Variants in INTS12 observed in about 807,000 individuals in gnomAD.
INTS12 encodes integrator complex subunit 12, also known as PHD finger protein 22.
A neutral mutation model predicts 41.6 loss-of-function variants in INTS12; 13 were observed. That is an observed-to-expected ratio of 0.31 (90% CI 0.20 to 0.50). The LOEUF is 0.50. INTS12 is among the 20% of genes least tolerant of loss of function. The probability of loss-of-function intolerance (pLI) is 0.98; values close to 1 mark genes in which losing one functional copy is unlikely to be tolerated. For missense variants in INTS12, 432 were observed against 541.6 expected (o/e 0.80, Z 2.01); for synonymous variants, 199 against 191.4 (o/e 1.04, Z -0.33).
At position 105,693,354 on chromosome 4, in the gene INTS12, C is replaced by T. The variant is rs1479500763; in HGVS notation, c.442G>A (p.Glu148Lys). The T allele has an allele frequency of 1.2e-6, 2 of 1,613,788 alleles. No homozygotes were observed. Among genetic ancestry groups the T allele is most frequent in the Non-Finnish European group, 1.7e-6 (2 of 1,179,872 alleles). Residue 148 changes from glutamate (E) to lysine (K), a missense_variant, in exon 5 of 8, where the codon GAG becomes AAG. Physicochemically the swap from Glu to Lys is moderately conservative, Grantham distance 56 (BLOSUM62 1). Transcript: ENST00000340139. ...LPMADLSSFE[E>K]TSADDFAMEM... ...ATGGCAAAATCATCAGCACTGGTCT[C>T]CTCAAAACTGGAAAGGTCAGCCATA...
chr4:105,703,065 T>C, intron 2 of INTS12: 1 of 968,338 alleles, frequency 1.0e-6, no homozygotes, highest in Non-Finnish European at 1.2e-6. Flanking sequence ...CACCAAATCA[T>C]GTTACTTCTA....
Position 105,708,601 on chromosome 4 carries a change from C to T in INTS12, c.-172+37G>A, listed in dbSNP as rs556965303. On this transcript the variant is annotated intron_variant, in intron 1 of 7. Transcript: ENST00000340139. ...TCCTGGCGCGGGGGTCTCGAGCCTC[C>T]AGGAGGCCAGGAGCAGAGTCGCTCA... 1.9e-5 allele frequency: 19 copies of T among 985,198 alleles called. No homozygotes were observed. The East Asian group carries it at 8.0e-4, about 41-fold the overall frequency. 61.0% of individuals were successfully genotyped at this position (985,198 alleles called of 1,614,324 possible). A position where few individuals can be genotyped will look rare whatever the true frequency, so the allele number is the denominator to read the frequency against.
At chr4:105,699,027 A>T (rs978193381) in intron 3 of INTS12, among the ~76,000 whole-genome samples, 2 of 152,224 alleles carry the variant, frequency 1.3e-5, no homozygotes, top group African/African-American at 4.8e-5. Context: ...ATTATGTACC[A>T]GGCAGGTACT....
At chr4:105,693,983 T>G (rs1731775383) in intron 4 of INTS12, among the ~76,000 whole-genome samples, 1 of 152,214 alleles carries the variant, frequency 6.6e-6, no homozygotes, top group South Asian at 2.1e-4. Context: ...TTGATAGAAA[T>G]TTGGCAATGC....
At chr4:105,692,901 C>T (rs1021329541) in intron 5 of INTS12, among the ~76,000 whole-genome samples, 2 of 152,134 alleles carry the variant, frequency 1.3e-5, no homozygotes, top group Admixed American at 1.3e-4. Flanking sequence ...ACATAGGGTG[C>T]TCAATAAATG....
At chr4:105,687,978 A>C (rs768691106) in intron 6 of INTS12, among the ~76,000 whole-genome samples, 21 of 152,094 alleles carry the variant, frequency 1.4e-4, no homozygotes, top group Non-Finnish European at 2.4e-4. Flanking sequence ...AGAAAAAAAA[A>C]CAGCAACTAT....
intron 2 of INTS12, among the ~76,000 whole-genome samples, chr4:105,703,195 A>C (rs1732144723): frequency 6.6e-6 from 1 of 152,220 alleles, no homozygotes; most frequent in Admixed American, 6.5e-5. Context: ...TGTGTGTATG[A>C]AAGAAAAATG....
intron 7 of INTS12, among the ~76,000 whole-genome samples, chr4:105,683,869 G>A (rs181909258): frequency 2.0e-4 from 31 of 152,056 alleles, no homozygotes; most frequent in Admixed American, 3.9e-4. Flanking sequence ...AAAAAAAAAT[G>A]TCCTCCTAAA....
intron 1 of INTS12, among the ~76,000 whole-genome samples, chr4:105,704,895 G>A (rs1732210962): frequency 6.6e-6 from 1 of 151,864 alleles, no homozygotes; most frequent in Admixed American, 6.6e-5. Flanking sequence ...TACCACCCTA[G>A]ACCAACCTAG....
chr4:105,686,155 G>A (rs183842325), intron 7 of INTS12, among the ~76,000 whole-genome samples: 4 of 152,188 alleles, frequency 2.6e-5, no homozygotes, highest in Admixed American at 2.0e-4. Flanking sequence ...CTTCGCCTCT[G>A]GGGTTCAAGC....
In INTS12 at chr4:105,699,932, T is replaced by C; in HGVS notation, c.74A>G (p.Lys25Arg). The change falls in exon 3 of 8, where the codon AAA becomes AGA. Residue 25 changes from lysine (K) to arginine (R), a missense_variant. Physicochemically the swap from Lys to Arg is conservative, Grantham distance 26. Coordinates refer to ENST00000340139, the MANE Select transcript of INTS12 (RefSeq NM_020395.4). ...KALGFLHSKSKDSAEKLKALL... is the reference protein window; with the variant it reads ...KALGFLHSKSRDSAEKLKALL... ...TGCTTTTAGCTTTTCAGCAGAATCT[T>C]TACTCTTTGAATGCAAGAAACCTAG... 3 of 1,555,962 alleles carry C rather than the reference T, an allele frequency of 1.9e-6. No individual in the cohort carries two copies. The highest frequency in any genetic ancestry group is 2.6e-6 in the Non-Finnish European group (3 of 1,138,576).
intron 2 of INTS12, 198 bp from the exon 3 acceptor site, chr4:105,700,212 AAAC>A: frequency 3.0e-6 from 1 of 328,834 alleles, no homozygotes; most frequent in Non-Finnish European, 5.5e-6. Context: ...CTTCCCCCTG[AAAC>A]AACTAGCAGT....
At chr4:105,693,608 T>C (rs1731763208) in intron 4 of INTS12, 122 bp from the exon 5 acceptor site, 2 of 715,318 alleles carry the variant, frequency 2.8e-6, no homozygotes, top group Non-Finnish European at 4.7e-6. Flanking sequence ...TATATTCACA[T>C]AGTTAGGGAC....
chr4:105,703,083 C>T (rs1311855001), intron 2 of INTS12: 1 of 909,736 alleles, frequency 1.1e-6, no homozygotes, highest in Non-Finnish European at 1.3e-6. Context: ...CTATACAATT[C>T]CTTTCCTGTA....
Position 105,692,184 on chromosome 4 carries a change from A to T in INTS12, c.498-49T>A, listed in dbSNP as rs780076546. On this transcript the variant is annotated intron_variant, in intron 5 of 7. Coordinates refer to ENST00000340139, the MANE Select transcript of INTS12 (RefSeq NM_020395.4). Reference sequence around the variant, plus strand: ...TTACACTACTTTTTTAAATGCCATAATTTAAAGTTATTTCAGGGGCCAGGT... The same window carrying T: ...TTACACTACTTTTTTAAATGCCATATTTTAAAGTTATTTCAGGGGCCAGGT... 1.9e-6 allele frequency: 3 copies of T among 1,544,628 alleles called. No individual in the cohort carries two copies. In the South Asian group the frequency reaches 3.5e-5, roughly 18 times the overall value.
intron 3 of INTS12, among the ~76,000 whole-genome samples, chr4:105,697,450 T>C (rs1445507135): frequency 6.6e-6 from 1 of 152,166 alleles, no homozygotes; most frequent in Non-Finnish European, 1.5e-5. Context: ...GAGGAATGGG[T>C]CCTCAGATCT....
intron 1 of INTS12, chr4:105,706,371 C>T (rs997640683): frequency 6.6e-6 from 1 of 151,614 alleles, no homozygotes; most frequent in Non-Finnish European, 1.5e-5. Context: ...CCTCCTGCCT[C>T]AGCCTCCCAA....
chr4:105,685,888 G>C (rs1731482825), intron 7 of INTS12, among the ~76,000 whole-genome samples: 1 of 152,026 alleles, frequency 6.6e-6, no homozygotes, highest in Non-Finnish European at 1.5e-5. Flanking sequence ...CTTGGTATAA[G>C]AGGTAGATAA....
At chr4:105,695,292 A>G (rs913163094) in intron 4 of INTS12, among the ~76,000 whole-genome samples, 1 of 152,040 alleles carries the variant, frequency 6.6e-6, no homozygotes, top group African/African-American at 2.4e-5. Context: ...GGACTCAAAT[A>G]TTTATTGACA....
Sources: gnomAD v4.1 joint callset for allele counts (sites outside exome capture counted in the v4.1 genomes callset) on GRCh38, gnomAD v4.1.1 for gene constraint, MANE v1.5 for transcripts, NCBI Gene and HGNC (gene_info 2026-07-23, HGNC 2026-07-21) for gene names.